Variants in LRMDA observed in about 807,000 individuals in gnomAD.
The protein encoded by LRMDA is leucine-rich melanocyte differentiation-associated protein.
In LRMDA, 18 loss-of-function variants were observed where a neutral mutation model predicts 29.8. The ratio of observed to expected loss-of-function variants is 0.60; its 90% CI spans 0.42 to 0.90. The LOEUF (loss-of-function observed/expected upper bound fraction) is 0.90, where lower values mean the gene tolerates loss of function less well. Ranked by LOEUF, LRMDA falls within the 40% of genes least tolerant of loss-of-function variation. LRMDA has a pLI of 0.00. For missense variants in LRMDA, 273 were observed against 273.9 expected (o/e 1.00, Z 0.02); for synonymous variants, 125 against 109.4 (o/e 1.14, Z -0.89).
chr10:76,415,590 GC>G (rs1842006078), intron 6 of LRMDA, among the ~76,000 whole-genome samples: 1 of 148,208 alleles, frequency 6.7e-6, no homozygotes, highest in African/African-American at 2.5e-5. Context: ...CTCATCTTTG[GC>G]TGGGGCGTGT....
At chr10:76,215,647 T>G (rs1564688692) in intron 5 of LRMDA, among the ~76,000 whole-genome samples, 1 of 152,206 alleles carries the variant, frequency 6.6e-6, no homozygotes, top group Non-Finnish European at 1.5e-5. Context: ...TGGGGATCAT[T>G]TTTCTTCTAC....
chr10:76,432,114 T>G (rs1212704977), intron 6 of LRMDA, among the ~76,000 whole-genome samples: 1 of 152,190 alleles, frequency 6.6e-6, no homozygotes, highest in South Asian at 2.1e-4. Context: ...TTGTAAAACT[T>G]GAGTCCTGGC....
chr10:75,937,896 G>T (rs1204843523), intron 2 of LRMDA, among the ~76,000 whole-genome samples: 1 of 152,176 alleles, frequency 6.6e-6, no homozygotes, highest in African/African-American at 2.4e-5. Context: ...CCTTAATGAA[G>T]TCAATATCTT....
At chr10:75,605,010 C>G (rs1464585371) in intron 2 of LRMDA, among the ~76,000 whole-genome samples, 1 of 152,120 alleles carries the variant, frequency 6.6e-6, no homozygotes, top group Non-Finnish European at 1.5e-5. Context: ...AGAGATTTGT[C>G]TCTATATTTT....
intron 6 of LRMDA, among the ~76,000 whole-genome samples, chr10:76,537,244 C>T (rs965302025): frequency 1.3e-5 from 2 of 152,292 alleles, no homozygotes; most frequent in East Asian, 3.9e-4. Context: ...CTTCCAGTAG[C>T]CCTTGTTATT....
At chr10:75,543,518 G>A (rs188023410) in intron 2 of LRMDA, among the ~76,000 whole-genome samples, 386 of 152,096 alleles carry the variant, frequency 2.5e-3, no homozygotes, top group Non-Finnish European at 3.5e-3. Context: ...CAAAACCCTC[G>A]TCCTATTTTT....
chr10:75,966,099 CA>C (rs1846854455), intron 2 of LRMDA, among the ~76,000 whole-genome samples: 1 of 152,194 alleles, frequency 6.6e-6, no homozygotes, highest in Non-Finnish European at 1.5e-5. Context: ...ATGCTAGTTT[CA>C]TGTCTTCCTA....
intron 6 of LRMDA, among the ~76,000 whole-genome samples, chr10:76,386,809 A>G (rs1186182223): frequency 1.3e-5 from 2 of 152,034 alleles, no homozygotes; most frequent in African/African-American, 4.8e-5. Flanking sequence ...ATTTTAAAAT[A>G]TAATTAAATA....
At chr10:75,587,191 A>G (rs1367305187) in intron 2 of LRMDA, among the ~76,000 whole-genome samples, 2 of 152,232 alleles carry the variant, frequency 1.3e-5, no homozygotes, top group Non-Finnish European at 2.9e-5. Context: ...CTATAATAAA[A>G]TCTCATTCAT....
At chr10:76,229,342 G>T (rs74709006) in intron 5 of LRMDA, among the ~76,000 whole-genome samples, 1 of 152,124 alleles carries the variant, frequency 6.6e-6, no homozygotes. Flanking sequence ...AGAGTAGTGG[G>T]GGTCTGCAGG....
intron 2 of LRMDA, among the ~76,000 whole-genome samples, chr10:75,955,456 GT>G (rs1214476987): frequency 6.6e-6 from 1 of 152,174 alleles, no homozygotes; most frequent in African/African-American, 2.4e-5. Flanking sequence ...GTTGGGGTAG[GT>G]GTCCTTGGAA....
chr10:75,761,761 GA>G (rs1424378408), intron 2 of LRMDA, among the ~76,000 whole-genome samples: 2 of 150,800 alleles, frequency 1.3e-5, no homozygotes, highest in East Asian at 1.9e-4. Flanking sequence ...GCCTAAGAAA[GA>G]TACAAATTCC....
chr10:76,506,997 A>G (rs988654481), intron 6 of LRMDA, among the ~76,000 whole-genome samples: 1 of 152,080 alleles, frequency 6.6e-6, no homozygotes, highest in Non-Finnish European at 1.5e-5. Flanking sequence ...TTTCTGGATC[A>G]TATGGTAGTT....
intron 5 of LRMDA, among the ~76,000 whole-genome samples, chr10:76,133,296 A>C (rs146005882): frequency 6.6e-6 from 1 of 151,886 alleles, no homozygotes; most frequent in Non-Finnish European, 1.5e-5. Flanking sequence ...AAATTTTCTT[A>C]AGAAAGCAGT....
intron 6 of LRMDA, among the ~76,000 whole-genome samples, chr10:76,331,339 A>G (rs891517373): frequency 1.3e-5 from 2 of 152,210 alleles, no homozygotes; most frequent in Non-Finnish European, 2.9e-5. Context: ...TTTGCCACAT[A>G]GGTCTCACCT....
At position 76,385,290 on chromosome 10, in the gene LRMDA, T is replaced by C. The variant is rs571911198; in HGVS notation, c.601+60805T>C. On this transcript the variant is annotated intron_variant, in intron 6 of 6. Coordinates refer to ENST00000611255, the MANE Select transcript of LRMDA (RefSeq NM_001305581.2). ...CTTTTACTTTTATGTACCAATCGAG[T>C]GTACTCTATTTCTGTTGGTGCTTCC... Among the ~76,000 whole-genome samples the C allele has an allele frequency of 7.2e-5, 11 of 152,322 alleles. No individual in the cohort carries two copies. The South Asian group carries it at 1.2e-3, about 17-fold the overall frequency.
chr10:76,519,737 A>T (rs1369392854), intron 6 of LRMDA, among the ~76,000 whole-genome samples: 1 of 152,186 alleles, frequency 6.6e-6, no homozygotes, highest in Non-Finnish European at 1.5e-5. Context: ...TAAAAAATTT[A>T]TATGATGCCT....
intron 6 of LRMDA, among the ~76,000 whole-genome samples, chr10:76,427,177 T>C (rs1425338606): frequency 3.3e-5 from 5 of 151,446 alleles, no homozygotes; most frequent in East Asian, 3.9e-4. Context: ...GGCATTGAAT[T>C]TATAAATTAC....
At chr10:75,810,123 T>A (rs1843931798) in intron 2 of LRMDA, among the ~76,000 whole-genome samples, 4 of 151,774 alleles carry the variant, frequency 2.6e-5, no homozygotes, top group Admixed American at 1.3e-4. Flanking sequence ...AGGAAGGAGG[T>A]TGGCACATTC....
Sources: gnomAD v4.1 joint callset for allele counts (sites outside exome capture counted in the v4.1 genomes callset) on GRCh38, gnomAD v4.1.1 for gene constraint, MANE v1.5 for transcripts, NCBI Gene and HGNC (gene_info 2026-07-23, HGNC 2026-07-21) for gene names.